ASMT: variants seen among roughly 807,000 people sequenced by gnomAD.
ASMT encodes the protein acetylserotonin N-methyltransferase.
In ASMT, 53 loss-of-function variants were observed where a neutral mutation model predicts 41.3. The observed-to-expected ratio is 1.28, with a 90% CI of 1.03 to 1.61. The LOEUF is 1.61. ASMT is among the 40% of genes most tolerant of loss of function. The pLI is 0.00. For synonymous variants in ASMT, 231 were observed against 184.8 expected, an observed-to-expected ratio of 1.25 and a Z score of -2.03; for missense variants, 531 against 441.3, an observed-to-expected ratio of 1.20 and a Z score of -1.82.
In ASMT at chrX:1,615,760, C is replaced by T. The variant is rs374982504; in HGVS notation, c.69+492C>T. ...GAGGTTGCAGTGAGCCGAGATCGCA[C>T]CACTGCACTCCCGCCTGGGGGACAC... On this transcript the variant is annotated intron_variant, in intron 1 of 8. Transcript: ENST00000381241. Among the ~76,000 whole-genome samples, 34 of 151,798 alleles carry T rather than the reference C, an allele frequency of 2.2e-4. No individual in the cohort carries two copies. The South Asian group carries it at 4.4e-3, about 20-fold the overall frequency.
chrX:1,623,008 AAT>A, intron 1 of ASMT, 129 bp from the exon 2 acceptor site: 1 of 829,802 alleles, frequency 1.2e-6, no homozygotes, highest in South Asian at 1.9e-5. Flanking sequence ...CAAAAAAAAA[AAT>A]AAATAAATGA....
Position 1,629,910 on chromosome X carries a change from C to A in ASMT, c.533C>A (p.Ser178Ter), listed in dbSNP as rs1934707303. The change falls in exon 5 of 9, where the codon TCA becomes TAA. Residue 178 changes from serine to a stop codon, truncating the protein, a stop_gained. Transcript: ENST00000381241. LOFTEE classifies it high-confidence loss of function. ...AGCGTGCTGACCGCCTTTGACCTGT[C>A]AGTGTTCCCACTTATGTGTGACCTT... ...GRSVLTAFDL[S>*]VFPLMCDLGG... 1 of 1,613,980 alleles carries A rather than the reference C, an allele frequency of 6.2e-7. No homozygotes were observed. The highest frequency in any genetic ancestry group is 8.5e-7 in the Non-Finnish European group (1 of 1,179,868).
At chrX:1,625,779 C>G (rs1302297096) in intron 3 of ASMT, among the ~76,000 whole-genome samples, 1 of 151,252 alleles carries the variant, frequency 6.6e-6, no homozygotes, top group Non-Finnish European at 1.5e-5. Flanking sequence ...ACGGTGAAAC[C>G]CCGTCTCTAT....
intron 1 of ASMT, 60 bp downstream of exon 1, chrX:1,615,328 A>G: frequency 1.4e-6 from 2 of 1,461,496 alleles, no homozygotes; most frequent in South Asian, 1.2e-5. Flanking sequence ...CTCACGTTCC[A>G]TTGTTGTGTC....
chrX:1,615,373 G>A (rs1467920072), intron 1 of ASMT, 105 bp downstream of exon 1: 2 of 1,163,152 alleles, frequency 1.7e-6, no homozygotes, highest in African/African-American at 1.5e-5. Flanking sequence ...ATCATTTTAG[G>A]AGGTTTATTT....
chrX:1,630,704 C>T (rs1277680186), intron 5 of ASMT, among the ~76,000 whole-genome samples: 1 of 151,850 alleles, frequency 6.6e-6, no homozygotes, highest in African/African-American at 2.4e-5. Context: ...TTACAGATGA[C>T]TGCCGCCACA....
At chrX:1,615,401 A>G in intron 1 of ASMT, 133 bp downstream of exon 1, 1 of 937,072 alleles carries the variant, frequency 1.1e-6, no homozygotes, top group East Asian at 2.6e-5. Context: ...TGAAAGACGT[A>G]CACCCACGAT....
intron 3 of ASMT, among the ~76,000 whole-genome samples, chrX:1,625,671 G>A (rs1163025589): frequency 6.6e-6 from 1 of 151,902 alleles, no homozygotes; most frequent in Non-Finnish European, 1.5e-5. Flanking sequence ...GAGTGTCTGG[G>A]TGGCCGGACG....
chrX:1,631,464 T>A (rs1934774277), intron 5 of ASMT, among the ~76,000 whole-genome samples: 1 of 152,054 alleles, frequency 6.6e-6, no homozygotes, highest in Non-Finnish European at 1.5e-5. Context: ...CCTATCTCCC[T>A]CCTGTGACTC....
chrX:1,619,900 G>A (rs1934277027), intron 1 of ASMT, among the ~76,000 whole-genome samples: 1 of 150,328 alleles, frequency 6.7e-6, no homozygotes, highest in Non-Finnish European at 1.5e-5. Context: ...GACCATCCTG[G>A]CTAACACGGT....
In ASMT at chrX:1,627,769, C is replaced by G; in HGVS notation, c.441C>G (p.Tyr147Ter). The change falls in exon 4 of 9, where the codon TAC (tyrosine) becomes TAG (stop). Residue 147 changes from tyrosine to a stop codon, truncating the protein, a stop_gained and splice_region_variant. Transcript: ENST00000381241. LOFTEE classifies it high-confidence loss of function. Reference protein sequence around the residue: ...VPAEELFTAIYRSEGERLQFM... With the variant: ...VPAEELFTAI Reference sequence around the variant, plus strand: ...CTGAAGAGCTTTTTACGGCCATCTACAGGTAACACCCATCACTTTGAAACC... The same window carrying G: ...CTGAAGAGCTTTTTACGGCCATCTAGAGGTAACACCCATCACTTTGAAACC... The G allele has an allele frequency of 1.2e-6, 2 of 1,613,688 alleles. No homozygotes were observed. The highest frequency in any genetic ancestry group is 1.7e-6 in the Non-Finnish European group (2 of 1,179,600).
At chrX:1,616,164 G>A (rs1237137359) in intron 1 of ASMT, among the ~76,000 whole-genome samples, 8 of 145,416 alleles carry the variant, frequency 5.5e-5, no homozygotes, top group Non-Finnish European at 1.2e-4. Flanking sequence ...GAGTATCTGG[G>A]ATTACAGGCA....
intron 6 of ASMT, 58 bp from the exon 7 acceptor site, chrX:1,633,092 G>GT: frequency 1.2e-6 from 2 of 1,608,850 alleles, no homozygotes; most frequent in Non-Finnish European, 1.7e-6. Context: ...TGTGTGGAGG[G>GT]TGAGCGATGT....
intron 8 of ASMT, among the ~76,000 whole-genome samples, chrX:1,637,020 GC>G (rs749627299): frequency 0.029 from 1,663 of 57,284 alleles, 81 homozygotes; most frequent in Non-Finnish European, 0.043. Context: ...CAGTGTCCCA[GC>G]TCTCCTGTGA....
At chrX:1,629,491 T>C (rs776690370) in intron 4 of ASMT, among the ~76,000 whole-genome samples, 2 of 152,318 alleles carry the variant, frequency 1.3e-5, no homozygotes, top group South Asian at 2.1e-4. Flanking sequence ...GGATTTGTCC[T>C]CTGGGGCTGA....
chrX:1,615,734 G>A (rs75536391), intron 1 of ASMT, among the ~76,000 whole-genome samples: 36 of 151,676 alleles, frequency 2.4e-4, no homozygotes, highest in Admixed American at 3.3e-4. Flanking sequence ...CCTGGGAGGC[G>A]GAGGTTGCAG....
chrX:1,616,636 G>A (rs766130583), intron 1 of ASMT, among the ~76,000 whole-genome samples: 8 of 151,502 alleles, frequency 5.3e-5, no homozygotes, highest in African/African-American at 9.6e-5. Context: ...TTGGGGGTCC[G>A]AAACGAGGGA....
Position 1,629,910 on chromosome X carries a change from C to T in ASMT, c.533C>T (p.Ser178Leu). The T allele has an allele frequency of 1.2e-6, 2 of 1,613,980 alleles. No homozygotes were observed. Among genetic ancestry groups the T allele is most frequent in the Non-Finnish European group, 1.7e-6 (2 of 1,179,868 alleles). The change falls in exon 5 of 9, where the codon TCA becomes TTA. Residue 178 changes from serine to leucine, a missense_variant. By Grantham distance (145) the Ser-to-Leu change is moderately radical (BLOSUM62 -2). Coordinates refer to ENST00000381241, the MANE Select transcript of ASMT (RefSeq NM_001171038.2). ...GRSVLTAFDL[S>L]VFPLMCDLGG... Reference sequence around the variant, plus strand: ...AGCGTGCTGACCGCCTTTGACCTGTCAGTGTTCCCACTTATGTGTGACCTT... The same window carrying T: ...AGCGTGCTGACCGCCTTTGACCTGTTAGTGTTCCCACTTATGTGTGACCTT...
At chrX:1,635,013 C>G (rs1458239708) in intron 7 of ASMT, among the ~76,000 whole-genome samples, 3 of 119,624 alleles carry the variant, frequency 2.5e-5, no homozygotes, top group African/African-American at 1.0e-4. Context: ...CTCGCTCTGT[C>G]ACCCAGGCTG....
Sources: gnomAD v4.1 joint callset for allele counts (sites outside exome capture counted in the v4.1 genomes callset) on GRCh38, gnomAD v4.1.1 for gene constraint, MANE v1.5 for transcripts, NCBI Gene and HGNC (gene_info 2026-07-23, HGNC 2026-07-21) for gene names.